Variants in ZNF790 observed in about 807,000 individuals in gnomAD.
The protein encoded by ZNF790 is zinc finger protein 790.
A neutral mutation model predicts 12.1 loss-of-function variants in ZNF790; 8 were observed. That is an observed-to-expected ratio of 0.66 (90% CI 0.39 to 1.19). The LOEUF (loss-of-function observed/expected upper bound fraction) is 1.19, where lower values mean the gene tolerates loss of function less well. Among genes scored for constraint, ZNF790 ranks in the 50% most tolerant of loss-of-function variants. The probability of loss-of-function intolerance (pLI) is 0.01; values close to 1 mark genes in which losing one functional copy is unlikely to be tolerated. For synonymous variants in ZNF790, 252 were observed against 244.3 expected (o/e 1.03, Z -0.29); for missense variants, 707 against 752.2 (o/e 0.94, Z 0.70).
At chr19:36,823,488 A>T (rs1440259218) in intron 3 of ZNF790, 108 bp from the exon 4 acceptor site, 5 of 1,293,906 alleles carry the variant, frequency 3.9e-6, no homozygotes, top group Non-Finnish European at 5.4e-6. Context: ...CAGGACAAAA[A>T]TAAGTATAAA....
Position 36,818,539 on chromosome 19 carries a change from G to A in ZNF790, c.1805C>T (p.Ser602Leu). 6.2e-7 allele frequency: 1 copy of A among 1,604,752 alleles called. No homozygotes were observed. Among genetic ancestry groups the A allele is most frequent in the Non-Finnish European group, 8.5e-7 (1 of 1,172,398 alleles). The part of the protein sequence containing the change: ...TDYGNTFSHE[S>L]NFAQHQNIYT... ...AATATTCTGGTGTTGAGCAAAGTTT[G>A]ACTCATGACTAAAGGTGTTCCCATA... Residue 602 changes from serine (S) to leucine (L), a missense_variant, in exon 5 of 5, where the codon TCA becomes TTA. Transcript: ENST00000356725.
chr19:36,827,408 C>T (rs1188825379), intron 1 of ZNF790, among the ~76,000 whole-genome samples: 1 of 151,860 alleles, frequency 6.6e-6, no homozygotes, highest in Non-Finnish European at 1.5e-5. Context: ...TGGCATGAGG[C>T]CCAGTCACAA....
chr19:36,823,660 A>AG lies in ZNF790; in HGVS notation c.133+6_133+7insC. 1 of 1,601,444 alleles carries AG rather than the reference A, an allele frequency of 6.2e-7. No individual in the cohort carries two copies. The highest frequency in any genetic ancestry group is 8.5e-7 in the Non-Finnish European group (1 of 1,177,246). On this transcript the variant is annotated splice_region_variant and intron_variant, in intron 3 of 4. Transcript: ENST00000356725. Reference sequence around the variant, plus strand: ...CAGGAATTTCTAAGGAAAATGCTGAATCTTACCCAGTGAGACCATGTTGCT... The same window carrying AG: ...CAGGAATTTCTAAGGAAAATGCTGAAGTCTTACCCAGTGAGACCATGTTGCT...
intron 1 of ZNF790, among the ~76,000 whole-genome samples, chr19:36,832,563 G>C (rs963520372): frequency 2.6e-5 from 4 of 152,122 alleles, no homozygotes; most frequent in African/African-American, 9.7e-5. Flanking sequence ...CCATGTGAGA[G>C]CCACGTTGGA....
At chr19:36,822,194 T>C (rs1186847418) in intron 4 of ZNF790, among the ~76,000 whole-genome samples, 1 of 152,010 alleles carries the variant, frequency 6.6e-6, no homozygotes, top group Non-Finnish European at 1.5e-5. Context: ...AACTAATAAA[T>C]GCAGGCAATG....
At chr19:36,828,361 G>T (rs2071875311) in intron 1 of ZNF790, among the ~76,000 whole-genome samples, 1 of 151,990 alleles carries the variant, frequency 6.6e-6, no homozygotes, top group Non-Finnish European at 1.5e-5. Flanking sequence ...TACTCAGGAG[G>T]CTGAGGCAGG....
chr19:36,824,000 T>TTTTTA (rs2071737378), intron 2 of ZNF790, among the ~76,000 whole-genome samples: 1 of 142,680 alleles, frequency 7.0e-6, no homozygotes, highest in Non-Finnish European at 1.5e-5. Flanking sequence ...CTCTTTTTTT[T>TTTTTA]TTTTTTTTTT....
At chr19:36,827,557 G>C (rs1221767951) in intron 1 of ZNF790, 1 of 153,210 alleles carries the variant, frequency 6.5e-6, no homozygotes, top group Non-Finnish European at 1.5e-5. Context: ...AACGCTTCAA[G>C]GGGCTCACAC....
Position 36,819,379 on chromosome 19 carries a change from C to G in ZNF790, c.965G>C (p.Arg322Pro). The change falls in exon 5 of 5, where the codon CGA becomes CCA. Residue 322 changes from arginine to proline, a missense_variant. Transcript: ENST00000356725. Reference protein sequence around the residue: ...CNECRKAFSQRSHLIKHQRIH... With the variant: ...CNECRKAFSQPSHLIKHQRIH... ...TCTCTGATGTTTAATAAGATGTGAT[C>G]GCTGACTAAAGGCCTTTCTACATTC... 1 of 1,613,120 alleles carries G rather than the reference C, an allele frequency of 6.2e-7. No individual in the cohort carries two copies. Among genetic ancestry groups the G allele is most frequent in the Non-Finnish European group, 8.5e-7 (1 of 1,179,490 alleles).
chr19:36,827,139 CACATATATATAT>C (rs1477162558), intron 1 of ZNF790, among the ~76,000 whole-genome samples: 152 of 70,208 alleles, frequency 2.2e-3, no homozygotes, highest in Middle Eastern at 0.014. Flanking sequence ...CACACACACA[CACATATATATAT>C]ATATATATAT....
At chr19:36,842,366 C>T (rs1464537180), upstream of ZNF790, among the ~76,000 whole-genome samples, 1 of 151,976 alleles carries the variant, frequency 6.6e-6, no homozygotes, top group Non-Finnish European at 1.5e-5. Context: ...TAAAATGTGC[C>T]TATATGAGAT....
Position 36,819,243 on chromosome 19 carries a change from C to T in ZNF790, c.1101G>A (p.Glu367=). ...QRIHTGEKSH[E]CKECGKAFIR... ...TAAAGGCTTTTCCACATTCCTTACA[C>T]TCATGAGATTTCTCACCAGTATGAA... is the stretch of plus-strand genomic sequence containing the variant. Residue 367 remains glutamate, a synonymous_variant, in exon 5 of 5, where the codon GAG becomes GAA. Transcript: ENST00000356725. The T allele has an allele frequency of 3.1e-6, 5 of 1,613,706 alleles. No individual in the cohort carries two copies. Among genetic ancestry groups the T allele is most frequent in the Non-Finnish European group, 4.2e-6 (5 of 1,179,870 alleles).
chr19:36,830,008 G>A (rs2071915334), intron 1 of ZNF790, among the ~76,000 whole-genome samples: 1 of 152,156 alleles, frequency 6.6e-6, no homozygotes, highest in African/African-American at 2.4e-5. Flanking sequence ...GCTCTTAGCT[G>A]TGTTCCGTTC....
At chr19:36,841,353 G>A (rs946069571), upstream of ZNF790, among the ~76,000 whole-genome samples, 1 of 152,146 alleles carries the variant, frequency 6.6e-6, no homozygotes, top group Non-Finnish European at 1.5e-5. Flanking sequence ...GGCACGGTGG[G>A]TCATGCCTGT....
chr19:36,827,141 C>CACACACACATATAT (rs1313807327), intron 1 of ZNF790, among the ~76,000 whole-genome samples: 8 of 84,440 alleles, frequency 9.5e-5, no homozygotes, highest in East Asian at 4.8e-4. Flanking sequence ...CACACACACA[C>CACACACACATATAT]ATATATATAT....
chr19:36,835,123 T>G (rs1156585959), intron 1 of ZNF790, among the ~76,000 whole-genome samples: 1 of 150,924 alleles, frequency 6.6e-6, no homozygotes, highest in Non-Finnish European at 1.5e-5. Context: ...ACGTGTCTAC[T>G]AAAAATACAA....
At chr19:36,824,955 A>G (rs1171733780) in intron 2 of ZNF790, among the ~76,000 whole-genome samples, 1 of 152,104 alleles carries the variant, frequency 6.6e-6, no homozygotes, top group Non-Finnish European at 1.5e-5. Context: ...AAATGTGTAG[A>G]ATCTCCAGAC....
At chr19:36,842,693 CT>C (rs770719364), upstream of ZNF790, among the ~76,000 whole-genome samples, 1 of 150,500 alleles carries the variant, frequency 6.6e-6, no homozygotes, top group South Asian at 2.1e-4. Context: ...AGCTTTTTAA[CT>C]TTTTTTTCCT....
chr19:36,818,917 C>A lies in ZNF790; in HGVS notation c.1427G>T (p.Arg476Ile). The A allele has an allele frequency of 6.2e-7, 1 of 1,610,320 alleles. No homozygotes were observed. The highest frequency in any genetic ancestry group is 8.5e-7 in the Non-Finnish European group (1 of 1,177,452). The part of the protein sequence containing the change: ...NRHQKIHTGE[R>I]NYECKECGKT... Reference sequence around the variant, plus strand: ...TCCACATTCCTTACATTCATAGTTTCTCTCACCAGTATGAATTTTCTGATG... The same window carrying A: ...TCCACATTCCTTACATTCATAGTTTATCTCACCAGTATGAATTTTCTGATG... Residue 476 changes from arginine (R) to isoleucine (I), a missense_variant, in exon 5 of 5, where the codon AGA becomes ATA. By Grantham distance (97) the Arg-to-Ile change is moderately conservative. Transcript: ENST00000356725.
Sources: allele counts gnomAD v4.1 joint callset (sites outside exome capture counted in the v4.1 genomes callset), GRCh38; gene constraint gnomAD v4.1.1; transcripts MANE v1.5; gene names NCBI Gene and HGNC (gene_info 2026-07-23, HGNC 2026-07-21).